The following NRXN1 variants were observed in gnomAD, a reference collection of about 807,000 sequenced individuals.
The protein encoded by NRXN1 is neurexin 1.
In NRXN1, 39 loss-of-function variants were observed where a neutral mutation model predicts 150.9. The ratio of observed to expected loss-of-function variants is 0.26; its 90% CI spans 0.20 to 0.34. The LOEUF is 0.34. Among genes scored for constraint, NRXN1 ranks in the 10% least tolerant of loss-of-function variants. NRXN1 has a pLI of 1.00. For synonymous variants in NRXN1, 924 were observed against 757.0 expected, an observed-to-expected ratio of 1.22 and a Z score of -3.62; for missense variants, 1,815 against 1,949.9, an observed-to-expected ratio of 0.93 and a Z score of 1.30.
intron 18 of NRXN1, among the ~76,000 whole-genome samples, chr2:50,184,513 T>C (rs1412944352): frequency 6.6e-6 from 1 of 152,078 alleles, no homozygotes; most frequent in Admixed American, 6.6e-5. Context: ...TATTTAGGTG[T>C]TTTAGCTAAA....
At chr2:50,402,763 C>T (rs1664663835) in intron 17 of NRXN1, among the ~76,000 whole-genome samples, 1 of 152,096 alleles carries the variant, frequency 6.6e-6, no homozygotes, top group African/African-American at 2.4e-5. Flanking sequence ...TAGAACTAGG[C>T]TTAGCTCAGC....
intron 21 of NRXN1, among the ~76,000 whole-genome samples, chr2:50,038,379 C>G (rs1171687853): frequency 6.6e-6 from 1 of 152,182 alleles, no homozygotes; most frequent in East Asian, 1.9e-4. Context: ...CTCTCTCTCT[C>G]TCATCTGTCC....
intron 17 of NRXN1, among the ~76,000 whole-genome samples, chr2:50,427,734 T>C (rs1477204385): frequency 6.6e-6 from 1 of 152,240 alleles, no homozygotes; most frequent in Non-Finnish European, 1.5e-5. Context: ...CAGTCAGTAA[T>C]TGAACTTTCC....
chr2:50,745,031 C>T (rs970511809), intron 5 of NRXN1, among the ~76,000 whole-genome samples: 17 of 152,048 alleles, frequency 1.1e-4, no homozygotes, highest in Admixed American at 1.3e-4. Flanking sequence ...ACTGAGCATG[C>T]GGCTGGAAGG....
chr2:50,940,019 T>A (rs556471057), intron 2 of NRXN1, among the ~76,000 whole-genome samples: 1 of 152,334 alleles, frequency 6.6e-6, no homozygotes, highest in South Asian at 2.1e-4. Flanking sequence ...GAAGGGATTA[T>A]AATACTAGTC....
intron 17 of NRXN1, among the ~76,000 whole-genome samples, chr2:50,370,296 T>C (rs557810212): frequency 6.6e-6 from 1 of 151,994 alleles, no homozygotes; most frequent in African/African-American, 2.4e-5. Flanking sequence ...CATTTTCCCA[T>C]AAAGCCATGG....
intron 18 of NRXN1, among the ~76,000 whole-genome samples, chr2:50,112,091 G>C (rs1397972191): frequency 3.3e-5 from 5 of 151,812 alleles, no homozygotes; most frequent in African/African-American, 1.2e-4. Context: ...AAAATTCTCA[G>C]ACCTTTGCAC....
rs554360178 is a variant in NRXN1, at chr2:50,752,654, C to T, written c.833-129039G>A. 4.6e-5 allele frequency among the ~76,000 whole-genome samples: 7 copies of T among 151,360 alleles called. No homozygotes were observed. In the South Asian group the frequency reaches 1.5e-3, roughly 32 times the overall value. On this transcript the variant is annotated intron_variant, in intron 5 of 22. Transcript: ENST00000401669. ...TTAAATTTTAAAGCAGATTTCTTCC[C>T]ATTATGTGTATTCAACTGAAAGCCT... is the stretch of plus-strand genomic sequence containing the variant.
In NRXN1 at chr2:49,921,012, G is replaced by A. The variant is rs1668107506; in HGVS notation, c.*932C>T. The A allele has an allele frequency of 6.6e-6, 1 of 151,702 alleles. No individual in the cohort carries two copies. Among genetic ancestry groups the A allele is most frequent in the Non-Finnish European group, 1.5e-5 (1 of 67,844 alleles). 9.4% of individuals were successfully genotyped at this position (151,702 alleles called of 1,614,324 possible). On this transcript the variant is annotated 3_prime_UTR_variant, in exon 23 of 23. Coordinates refer to ENST00000401669, the MANE Select transcript of NRXN1 (RefSeq NM_001330078.2). ...AATTTATAATGGTGGCAAAAAAAAA[G>A]AAAAACCCAACTGAAATAATTGTTG...
At chr2:49,990,335 G>C (rs1270320772) in intron 21 of NRXN1, among the ~76,000 whole-genome samples, 1 of 152,164 alleles carries the variant, frequency 6.6e-6, no homozygotes, top group African/African-American at 2.4e-5. Context: ...TAAGAGCACA[G>C]CGAGGAAAGA....
intron 5 of NRXN1, among the ~76,000 whole-genome samples, chr2:50,898,274 C>G (rs1682334935): frequency 6.6e-6 from 1 of 152,108 alleles, no homozygotes; most frequent in African/African-American, 2.4e-5. Flanking sequence ...TTAGGACTGT[C>G]CCTTGCAGAG....
At chr2:49,986,035 C>T (rs1680846790) in intron 21 of NRXN1, among the ~76,000 whole-genome samples, 1 of 152,128 alleles carries the variant, frequency 6.6e-6, no homozygotes, top group African/African-American at 2.4e-5. Context: ...AGACCACTAT[C>T]ATGAATTAAA....
At chr2:50,582,842 C>T (rs1573642472) in intron 8 of NRXN1, among the ~76,000 whole-genome samples, 1 of 152,218 alleles carries the variant, frequency 6.6e-6, no homozygotes, top group South Asian at 2.1e-4. Context: ...TCAACCCCCG[C>T]AATAGCTATC....
chr2:51,030,148 C>G (rs1023643921), intron 1 of NRXN1, among the ~76,000 whole-genome samples: 1 of 152,040 alleles, frequency 6.6e-6, no homozygotes, highest in Non-Finnish European at 1.5e-5. Context: ...AAAAATTACT[C>G]TTACCTTTTG....
At chr2:50,078,003 T>C (rs906069249) in intron 19 of NRXN1, among the ~76,000 whole-genome samples, 7 of 152,062 alleles carry the variant, frequency 4.6e-5, no homozygotes, top group African/African-American at 1.7e-4. Flanking sequence ...TGAGAAATAT[T>C]CTACCCATGA....
At chr2:50,038,696 A>C (rs1274674506) in intron 21 of NRXN1, among the ~76,000 whole-genome samples, 4 of 152,120 alleles carry the variant, frequency 2.6e-5, no homozygotes, top group Non-Finnish European at 5.9e-5. Context: ...ATAGCTAAAT[A>C]ACCACCTAAA....
intron 18 of NRXN1, among the ~76,000 whole-genome samples, chr2:50,123,322 C>CCTTGGAGGTAACCAAGGAGGTAACAT (rs1199021949): frequency 6.6e-6 from 1 of 152,006 alleles, no homozygotes; most frequent in Non-Finnish European, 1.5e-5. Flanking sequence ...AAGGAGGTAA[C>CCTTGGAGGTAACCAAGGAGGTAACAT]GAACCATGTT....
chr2:50,610,642 C>CATATATATAT (rs71404969), intron 8 of NRXN1, among the ~76,000 whole-genome samples: 2,835 of 42,642 alleles, frequency 0.066, 364 homozygotes, highest in Non-Finnish European at 0.074. Flanking sequence ...TAAATAGATA[C>CATATATATAT]ATATATATAT....
chr2:49,988,279 T>G (rs1681274963), intron 21 of NRXN1, among the ~76,000 whole-genome samples: 1 of 151,824 alleles, frequency 6.6e-6, no homozygotes, highest in African/African-American at 2.4e-5. Flanking sequence ...TGCCATTACC[T>G]TGGTAATCAG....
Sources: allele counts gnomAD v4.1 joint callset (sites outside exome capture counted in the v4.1 genomes callset), GRCh38; gene constraint gnomAD v4.1.1; transcripts MANE v1.5; gene names NCBI Gene and HGNC (gene_info 2026-07-23, HGNC 2026-07-21).